The following SCAP variants were observed in gnomAD, a reference collection of about 807,000 sequenced individuals.
The protein encoded by SCAP is sterol regulatory element-binding protein cleavage-activating protein.
Under a neutral mutation model 123.6 loss-of-function variants are expected in SCAP, and 65 were observed. That is an observed-to-expected ratio of 0.53 (90% CI 0.43 to 0.65). The LOEUF (loss-of-function observed/expected upper bound fraction) is 0.65. SCAP is among the 30% of genes least tolerant of loss of function. The pLI, the probability that SCAP is intolerant of heterozygous loss-of-function variation, is 0.00. For missense variants in SCAP, 1,398 were observed against 1,712.5 expected (o/e 0.82, Z 3.24); for synonymous variants, 740 against 726.3 (o/e 1.02, Z -0.30).
Position 47,414,617 on chromosome 3 carries a change from G to C in SCAP, c.3342C>G (p.Thr1114=). 4 of 1,613,396 alleles carry C rather than the reference G, an allele frequency of 2.5e-6. No homozygotes were observed. Among genetic ancestry groups the C allele is most frequent in the Non-Finnish European group, 2.5e-6 (3 of 1,180,018 alleles). Residue 1114 remains threonine (T), a synonymous_variant, in exon 21 of 23, where the codon ACC becomes ACG. Coordinates refer to ENST00000265565, the MANE Select transcript of SCAP (RefSeq NM_012235.4). ...FRLEDSCCLF[T]LQGHSGAITT... ...TGATGGCCCCTGAGTGGCCCTGAAG[G>C]GTGAAGAGGCAGCACGAGTCCTCCA...
chr3:47,456,221 G>A (rs904537668), intron 1 of SCAP, among the ~76,000 whole-genome samples: 2 of 152,044 alleles, frequency 1.3e-5, no homozygotes, highest in African/African-American at 4.8e-5. Flanking sequence ...TGGGCAACAT[G>A]GCAAAACCCT....
At chr3:47,414,475 G>C in intron 21 of SCAP, 89 bp from the exon 22 acceptor site, 1 of 1,597,904 alleles carries the variant, frequency 6.3e-7, no homozygotes, top group Non-Finnish European at 8.6e-7. Context: ...GTGGGGCCCT[G>C]ACTGCTTCCT....
At chr3:47,458,190 T>C (rs766639316) in intron 1 of SCAP, among the ~76,000 whole-genome samples, 40 of 151,948 alleles carry the variant, frequency 2.6e-4, no homozygotes, top group Admixed American at 7.9e-4. Flanking sequence ...CCCAGCACTT[T>C]GGGAGGCCAA....
In SCAP at chr3:47,449,984, T is replaced by C. The variant is rs1707182942; in HGVS notation, c.-98-6893A>G. Among the ~76,000 whole-genome samples the C allele has an allele frequency of 1.6e-5, 2 of 125,144 alleles. 1 individual carries two copies. Among genetic ancestry groups the C allele is most frequent in the Non-Finnish European group, 3.5e-5 (2 of 56,454 alleles). 82.1% of individuals were successfully genotyped at this position (125,144 alleles called of 152,430 possible). On this transcript the variant is annotated intron_variant, in intron 1 of 22. Coordinates refer to ENST00000265565, the MANE Select transcript of SCAP (RefSeq NM_012235.4). The stretch of plus-strand genomic sequence containing the variant: ...TAATCTTCCTACATTTCAGGATTCT[T>C]TGCCTTCAAAGAAACTTTTTTTTCT...
At chr3:47,440,798 T>C (rs1309136594) in intron 2 of SCAP, among the ~76,000 whole-genome samples, 1 of 151,998 alleles carries the variant, frequency 6.6e-6, no homozygotes, top group Non-Finnish European at 1.5e-5. Flanking sequence ...AAGTCGAGAC[T>C]GCAATTAGCA....
intron 8 of SCAP, among the ~76,000 whole-genome samples, chr3:47,424,751 C>T (rs918241715): frequency 1.3e-5 from 2 of 152,138 alleles, no homozygotes; most frequent in East Asian, 1.9e-4. Flanking sequence ...CTAAGAGCAA[C>T]GAAACTACCA....
At chr3:47,455,852 T>C (rs1343812093) in intron 1 of SCAP, among the ~76,000 whole-genome samples, 1 of 152,140 alleles carries the variant, frequency 6.6e-6, no homozygotes, top group African/African-American at 2.4e-5. Context: ...AAAATAAAGA[T>C]GATGAAAGGG....
chr3:47,428,728 G>T, intron 3 of SCAP, 58 bp from the exon 4 acceptor site: 2 of 1,580,146 alleles, frequency 1.3e-6, no homozygotes, highest in Non-Finnish European at 8.6e-7. Flanking sequence ...GAAGAAAGAC[G>T]GTCCAATTCA....
chr3:47,421,479 AAGAG>A (rs147281523), intron 10 of SCAP: 9 of 175,418 alleles, frequency 5.1e-5, no homozygotes, highest in East Asian at 1.6e-4. Flanking sequence ...CGGAACAATG[AAGAG>A]AGAGAGAGAG....
intron 16 of SCAP, 130 bp from the exon 17 acceptor site, chr3:47,417,956 GCGGGGTGGGGAGAGGGGGGTA>G (rs1472593846): frequency 2.9e-5 from 11 of 378,068 alleles, no homozygotes; most frequent in South Asian, 8.3e-5. Context: ...AGAGGGTGGT[GCGGGGTGGGGAGAGGGGGGTA>G]CGGGGTGGTG....
intron 1 of SCAP, among the ~76,000 whole-genome samples, chr3:47,463,601 G>A (rs1463405751): frequency 1.3e-5 from 2 of 152,076 alleles, no homozygotes; most frequent in African/African-American, 2.4e-5. Context: ...GGGAAACTGA[G>A]GCACGAGAAT....
intron 1 of SCAP, among the ~76,000 whole-genome samples, chr3:47,471,722 A>T (rs962996373): frequency 1.4e-4 from 21 of 152,182 alleles, no homozygotes; most frequent in African/African-American, 4.8e-4. Context: ...CAAATAAGCC[A>T]CTGGTTCCCA....
Position 47,473,080 on chromosome 3 carries a change from C to CAAAAAAAAAAAAAA in SCAP, c.-99+2705_-99+2718dup, listed in dbSNP as rs34472664. Among the ~76,000 whole-genome samples the CAAAAAAAAAAAAAA allele has an allele frequency of 3.7e-4, 14 of 38,054 alleles. 1 individual carries two copies. The highest frequency in any genetic ancestry group is 1.2e-3 in the African/African-American group (10 of 8,584). The allele number at this position is 38,054 out of a possible 152,430, so 25.0% of individuals were successfully genotyped here. A position where few individuals can be genotyped will look rare whatever the true frequency, so the allele number is the denominator to read the frequency against. On this transcript the variant is annotated intron_variant, in intron 1 of 22. Coordinates refer to ENST00000265565, the MANE Select transcript of SCAP (RefSeq NM_012235.4). Reference sequence around the variant, plus strand: ...GGGCAAGAAGAGCGAAACTCCATCTCAAAAAAAAAAAAAAAAAAACAGACT... The same window carrying CAAAAAAAAAAAAAA: ...GGGCAAGAAGAGCGAAACTCCATCTCAAAAAAAAAAAAAAAAAAAAAAAAAAAAAAAAACAGACT...
In SCAP at chr3:47,413,820, C is replaced by T; in HGVS notation, c.*34G>A. ...CAGTGCATTGGCCCCCACACAGCAC[C>T]CCAGCCTCCTGCCTGGGCAAGGAGG... is the stretch of plus-strand genomic sequence containing the variant. On this transcript the variant is annotated 3_prime_UTR_variant, in exon 23 of 23. Coordinates refer to ENST00000265565, the MANE Select transcript of SCAP (RefSeq NM_012235.4). The T allele has an allele frequency of 1.9e-6, 3 of 1,601,218 alleles. No individual in the cohort carries two copies. In the South Asian group the frequency reaches 3.3e-5, roughly 18 times the overall value.
chr3:47,452,019 A>G (rs1707246246), intron 1 of SCAP, among the ~76,000 whole-genome samples: 1 of 152,134 alleles, frequency 6.6e-6, no homozygotes. Flanking sequence ...TCATTCTTCA[A>G]GTCTCAGCTG....
intron 3 of SCAP, among the ~76,000 whole-genome samples, chr3:47,430,117 T>C (rs1431272058): frequency 4.6e-5 from 7 of 152,214 alleles, no homozygotes; most frequent in Admixed American, 2.0e-4. Context: ...TCTGAAAGAT[T>C]AGCAGAAATA....
chr3:47,418,150 G>A lies in SCAP; in HGVS notation c.2431C>T (p.Arg811Cys), dbSNP rs780097807. The change falls in exon 16 of 23, where the codon CGC (arginine) becomes TGC (cysteine). Residue 811 changes from arginine to cysteine, a missense_variant. Transcript: ENST00000265565. The stretch of plus-strand genomic sequence containing the variant: ...CGCACCTACCCTGGGCGCGGAATGC[G>A]CGTTAGGCAATCCCCGGTCTGCGCG... The part of the protein sequence containing the change: ...WDAQTGDCLT[R>C]IPRPGRQRRD... 58 of 1,565,968 alleles carry A rather than the reference G, an allele frequency of 3.7e-5. No homozygotes were observed. The highest frequency in any genetic ancestry group is 7.5e-5 in the Admixed American group (4 of 53,338).
chr3:47,459,484 G>T (rs1046243195), intron 1 of SCAP, among the ~76,000 whole-genome samples: 2 of 152,174 alleles, frequency 1.3e-5, no homozygotes, highest in African/African-American at 4.8e-5. Flanking sequence ...TCGGCCGGCT[G>T]AGAAATAAAG....
chr3:47,423,498 A>G (rs182574952), intron 9 of SCAP, among the ~76,000 whole-genome samples: 9 of 152,338 alleles, frequency 5.9e-5, no homozygotes, highest in Admixed American at 5.9e-4. Context: ...GGCTCAAGCA[A>G]TCCTCCCACC....
Sources: gnomAD v4.1 joint callset for allele counts (sites outside exome capture counted in the v4.1 genomes callset) on GRCh38, gnomAD v4.1.1 for gene constraint, MANE v1.5 for transcripts, NCBI Gene and HGNC (gene_info 2026-07-23, HGNC 2026-07-21) for gene names.